ABLIM2: variants seen among roughly 807,000 people sequenced by gnomAD.
The protein encoded by ABLIM2 is actin-binding LIM protein 2.
In ABLIM2, 53 loss-of-function variants were observed where a neutral mutation model predicts 97.7. That is an observed-to-expected ratio of 0.54 (90% CI 0.44 to 0.68). The LOEUF (loss-of-function observed/expected upper bound fraction) is 0.68, where lower values mean the gene tolerates loss of function less well. Among genes scored for constraint, ABLIM2 ranks in the 30% least tolerant of loss-of-function variants. The pLI is 0.00. For synonymous variants in ABLIM2, 361 were observed against 345.8 expected, an observed-to-expected ratio of 1.04 and a Z score of -0.49; for missense variants, 835 against 867.2, an observed-to-expected ratio of 0.96 and a Z score of 0.47.
intron 3 of ABLIM2, among the ~76,000 whole-genome samples, chr4:8,091,330 TTATATATATAATATATATATA>T (rs1827479971): frequency 2.1e-5 from 1 of 46,770 alleles, no homozygotes; most frequent in African/African-American, 1.0e-4. Flanking sequence ...TATATATATA[TTATATATATAATATATATATA>T]ATTATATATA....
intron 14 of ABLIM2, among the ~76,000 whole-genome samples, chr4:8,017,231 G>A (rs1409903599): frequency 1.3e-5 from 2 of 151,908 alleles, no homozygotes; most frequent in Non-Finnish European, 2.9e-5. Flanking sequence ...ATTCCTGACT[G>A]TTCAGGGAGG....
At chr4:8,007,134 G>A (rs781543610) in intron 16 of ABLIM2, 29 of 985,268 alleles carry the variant, frequency 2.9e-5, no homozygotes, top group Non-Finnish European at 3.4e-5. Context: ...TAAGTAGGAC[G>A]GTTTACAGTT....
chr4:8,138,470 T>C (rs1240191419), intron 1 of ABLIM2, among the ~76,000 whole-genome samples: 3 of 152,118 alleles, frequency 2.0e-5, no homozygotes, highest in Non-Finnish European at 4.4e-5. Context: ...CTTCAAACTA[T>C]ACTATGAGGC....
chr4:7,981,413 A>T (rs1738349746), intron 20 of ABLIM2, among the ~76,000 whole-genome samples: 1 of 152,146 alleles, frequency 6.6e-6, no homozygotes, highest in African/African-American at 2.4e-5. Flanking sequence ...TGTACCTTAC[A>T]TGTATTGATT....
intron 17 of ABLIM2, among the ~76,000 whole-genome samples, chr4:7,985,942 G>T (rs1743593570): frequency 6.6e-6 from 1 of 152,264 alleles, no homozygotes; most frequent in African/African-American, 2.4e-5. Flanking sequence ...GGGCAGTCCT[G>T]CCCCTGCCCA....
Position 8,003,561 on chromosome 4 carries a change from CTTTTTTTTTT to C in ABLIM2, c.1618+4488_1618+4497del, listed in dbSNP as rs796877068. Among the ~76,000 whole-genome samples the C allele has an allele frequency of 2.5e-5, 3 of 120,190 alleles. No homozygotes were observed. Among genetic ancestry groups the C allele is most frequent in the Non-Finnish European group, 3.6e-5 (2 of 56,210 alleles). 78.8% of individuals were successfully genotyped at this position (120,190 alleles called of 152,430 possible). A position where few individuals can be genotyped will look rare whatever the true frequency, so the allele number is the denominator to read the frequency against. The stretch of plus-strand genomic sequence containing the variant: ...ACCACTACGCTCTTCTTCCAGTTTT[CTTTTTTTTTT>C]TTTTTTTTTTTGGAGATGGAGTCTC... On this transcript the variant is annotated intron_variant, in intron 16 of 20. Coordinates refer to ENST00000447017, the MANE Select transcript of ABLIM2 (RefSeq NM_001130083.2). The surrounding 1 kb of genome is among the most constrained non-coding windows in gnomAD (Gnocchi z 4.2).
At position 8,132,283 on chromosome 4, in the gene ABLIM2, T is replaced by C. The variant is rs570316971; in HGVS notation, c.11-25646A>G. ...CTGCCACCCATCACGGGGGCATGGA[T>C]GGGGTATAATTACTCACATCTTCAT... On this transcript the variant is annotated intron_variant, in intron 1 of 20. Coordinates refer to ENST00000447017, the MANE Select transcript of ABLIM2 (RefSeq NM_001130083.2). This position sits in a 1 kb window ranked among gnomAD's most constrained non-coding sequence, Gnocchi z 8.0. 2.0e-4 allele frequency among the ~76,000 whole-genome samples: 30 copies of C among 151,958 alleles called. No homozygotes were observed. The highest frequency in any genetic ancestry group is 7.0e-4 in the African/African-American group (29 of 41,428).
intron 1 of ABLIM2, among the ~76,000 whole-genome samples, chr4:8,158,071 G>A (rs1197819662): frequency 6.6e-6 from 1 of 152,258 alleles, no homozygotes; most frequent in Non-Finnish European, 1.5e-5. Flanking sequence ...CGGAGGGTGG[G>A]TGCGGCGGGA....
In ABLIM2 at chr4:8,019,239, C is replaced by T. The variant is rs1223219053; in HGVS notation, c.1423+379G>A. ...CAAGTTTGTTCTATATTCCAAAGAT[C>T]GGGCCTGGATCAGATTGTGGTTCTA... is the stretch of plus-strand genomic sequence containing the variant. On this transcript the variant is annotated intron_variant, in intron 14 of 20. Coordinates refer to ENST00000447017, the MANE Select transcript of ABLIM2 (RefSeq NM_001130083.2). This position sits in a 1 kb window ranked among gnomAD's most constrained non-coding sequence, Gnocchi z 4.3. 1.3e-5 allele frequency among the ~76,000 whole-genome samples: 2 copies of T among 152,186 alleles called. No individual in the cohort carries two copies. The highest frequency in any genetic ancestry group is 2.4e-5 in the African/African-American group (1 of 41,448).
chr4:8,133,652 C>T (rs1849756978), intron 1 of ABLIM2, among the ~76,000 whole-genome samples: 1 of 152,220 alleles, frequency 6.6e-6, no homozygotes, highest in South Asian at 2.1e-4. Flanking sequence ...TCGCCCCTCA[C>T]CCCTCTGTGC....
chr4:8,039,230 C>T (rs942079081), intron 9 of ABLIM2, among the ~76,000 whole-genome samples: 5 of 152,158 alleles, frequency 3.3e-5, no homozygotes, highest in African/African-American at 7.2e-5. Context: ...AGATGCCTGG[C>T]GGGGTGTGTT....
chr4:8,035,023 T>C (rs1783674403), intron 10 of ABLIM2, among the ~76,000 whole-genome samples: 1 of 112,716 alleles, frequency 8.9e-6, no homozygotes, highest in Non-Finnish European at 1.9e-5. Context: ...GGGTGGTAGG[T>C]AGGTGGGTGC....
At chr4:8,050,057 C>T (rs1795001369) in intron 8 of ABLIM2, among the ~76,000 whole-genome samples, 1 of 152,192 alleles carries the variant, frequency 6.6e-6, no homozygotes. Flanking sequence ...CTACCTATAA[C>T]TTGGAAGCTC....
Position 8,083,486 on chromosome 4 carries a change from T to G in ABLIM2, c.455-2684A>C, listed in dbSNP as rs1577382662. ...TACCATATTGGCCGGCGCCCTCCCC[T>G]GCCAAGAAGCTCCCTTGACCTTGAG... On this transcript the variant is annotated intron_variant, in intron 4 of 20. Coordinates refer to ENST00000447017, the MANE Select transcript of ABLIM2 (RefSeq NM_001130083.2). This position sits in a 1 kb window ranked among gnomAD's most constrained non-coding sequence, Gnocchi z 4.6. Among the ~76,000 whole-genome samples the G allele has an allele frequency of 1.3e-5, 2 of 152,266 alleles. No homozygotes were observed. Among genetic ancestry groups the G allele is most frequent in the East Asian group, 1.9e-4 (1 of 5,168 alleles).
chr4:8,083,081 C>T lies in ABLIM2; in HGVS notation c.455-2279G>A, dbSNP rs140628383. ...AGGATGCTAACCGTGCCAGGACAGC[C>T]GCCCTCAACAGGGCTCTCTGGCCCC... On this transcript the variant is annotated intron_variant, in intron 4 of 20. Transcript: ENST00000447017. This position sits in a 1 kb window ranked among gnomAD's most constrained non-coding sequence, Gnocchi z 4.6. 1.8e-4 allele frequency among the ~76,000 whole-genome samples: 27 copies of T among 152,266 alleles called. No individual in the cohort carries two copies. Among genetic ancestry groups the T allele is most frequent in the African/African-American group, 6.0e-4 (25 of 41,570 alleles).
rs924603379 is a variant in ABLIM2, at chr4:8,116,462, G to T, written c.11-9825C>A. Among the ~76,000 whole-genome samples the T allele has an allele frequency of 3.3e-5, 5 of 152,306 alleles. No homozygotes were observed. The South Asian group carries it at 1.0e-3, about 32-fold the overall frequency. ...GCTTACACAAGATGCCCAGGAACGGGTTCTCTAAATCCGTGGGTTTCCACT... is the reference window on the plus strand; with the variant it reads ...GCTTACACAAGATGCCCAGGAACGGTTTCTCTAAATCCGTGGGTTTCCACT... On this transcript the variant is annotated intron_variant, in intron 1 of 20. Coordinates refer to ENST00000447017, the MANE Select transcript of ABLIM2 (RefSeq NM_001130083.2).
At chr4:8,093,376 AT>A (rs1447501383) in intron 3 of ABLIM2, among the ~76,000 whole-genome samples, 1 of 152,182 alleles carries the variant, frequency 6.6e-6, no homozygotes, top group African/African-American at 2.4e-5. Context: ...CTGTAAGTTT[AT>A]TTTGGTGCAG....
At chr4:7,977,970 G>A (rs1234850265) in intron 20 of ABLIM2, among the ~76,000 whole-genome samples, 3 of 152,146 alleles carry the variant, frequency 2.0e-5, no homozygotes, top group African/African-American at 4.8e-5. Flanking sequence ...TGATGTGCAA[G>A]AGATTTCCAG....
At chr4:7,975,514 T>A (rs1732278536) in intron 20 of ABLIM2, among the ~76,000 whole-genome samples, 1 of 152,126 alleles carries the variant, frequency 6.6e-6, no homozygotes. Context: ...ACATCCTGCA[T>A]CCCCTTGGCC....
Sources: allele counts gnomAD v4.1 joint callset (sites outside exome capture counted in the v4.1 genomes callset), GRCh38; gene constraint gnomAD v4.1.1; non-coding constraint Gnocchi (gnomAD v3.1); transcripts MANE v1.5; gene names NCBI Gene and HGNC (gene_info 2026-07-23, HGNC 2026-07-21).